HPSE2: variants seen among roughly 807,000 people sequenced by gnomAD.
The protein encoded by HPSE2 is inactive heparanase-2.
In HPSE2, 38 loss-of-function variants were observed where a neutral mutation model predicts 60.5. That is an observed-to-expected ratio of 0.63 (90% CI 0.48 to 0.82). HPSE2 has a LOEUF of 0.82. Among genes scored for constraint, HPSE2 ranks in the 40% least tolerant of loss-of-function variants. The pLI, the probability that HPSE2 is intolerant of heterozygous loss-of-function variation, is 0.00. For synonymous variants in HPSE2, 295 were observed against 293.2 expected (o/e 1.01, Z -0.06); for missense variants, 713 against 740.4 (o/e 0.96, Z 0.43).
chr10:99,164,263 A>G (rs1275738389), intron 2 of HPSE2, among the ~76,000 whole-genome samples: 1 of 119,656 alleles, frequency 8.4e-6, no homozygotes, highest in East Asian at 3.1e-4. Context: ...ATATATATAT[A>G]TATATATATA....
At chr10:99,213,738 C>T (rs1849026931) in intron 2 of HPSE2, among the ~76,000 whole-genome samples, 1 of 152,120 alleles carries the variant, frequency 6.6e-6, no homozygotes, top group Admixed American at 6.6e-5. Flanking sequence ...GATGTGAAAT[C>T]CTGGCTCTGT....
intron 3 of HPSE2, among the ~76,000 whole-genome samples, chr10:98,870,544 T>A (rs145859252): frequency 2.7e-3 from 405 of 152,246 alleles, no homozygotes; most frequent in African/African-American, 9.1e-3. Context: ...GCCTCAGCAA[T>A]AGAAGTTGAA....
intron 11 of HPSE2, among the ~76,000 whole-genome samples, chr10:98,460,273 T>A (rs1048492208): frequency 1.3e-5 from 2 of 152,242 alleles, no homozygotes; most frequent in Non-Finnish European, 2.9e-5. Context: ...ACCTTGCTTG[T>A]CTAAGGTTAT....
intron 2 of HPSE2, among the ~76,000 whole-genome samples, chr10:99,205,524 G>A (rs1437113498): frequency 6.6e-6 from 1 of 152,132 alleles, no homozygotes; most frequent in Admixed American, 6.5e-5. Flanking sequence ...AGAGGTTGCA[G>A]TGAGTCAAGA....
chr10:98,736,936 T>A (rs1408476453), intron 4 of HPSE2, among the ~76,000 whole-genome samples: 2 of 152,200 alleles, frequency 1.3e-5, no homozygotes, highest in African/African-American at 4.8e-5. Flanking sequence ...CTAAATACCA[T>A]GAGAGTATGT....
intron 3 of HPSE2, among the ~76,000 whole-genome samples, chr10:98,832,139 T>G (rs184804206): frequency 7.9e-5 from 12 of 152,260 alleles, no homozygotes; most frequent in Admixed American, 6.5e-5. Flanking sequence ...GCTAAAGAGG[T>G]TGGCTGTCCG....
intron 3 of HPSE2, among the ~76,000 whole-genome samples, chr10:99,024,792 C>T (rs906614469): frequency 1.3e-5 from 2 of 152,088 alleles, no homozygotes; most frequent in African/African-American, 4.8e-5. Flanking sequence ...TAAACATTTA[C>T]CCTAGAATAA....
At chr10:99,313,629 C>T in the HPSE2 span, among the ~76,000 whole-genome samples, 1 of 100,028 alleles carries the variant, frequency 1.0e-5, no homozygotes, top group Admixed American at 1.6e-4. Flanking sequence ...GAGACGGAGT[C>T]TCACTCTGTC....
intron 3 of HPSE2, among the ~76,000 whole-genome samples, chr10:98,890,459 T>C (rs953412578): frequency 2.0e-5 from 3 of 152,280 alleles, no homozygotes; most frequent in Admixed American, 6.5e-5. Flanking sequence ...ATGATCCAAA[T>C]TGCCTGTACA....
At chr10:98,960,505 T>C (rs982780985) in intron 3 of HPSE2, among the ~76,000 whole-genome samples, 4 of 152,056 alleles carry the variant, frequency 2.6e-5, no homozygotes, top group Admixed American at 2.0e-4. Flanking sequence ...TAAAAAATTA[T>C]GAAAAGGGGC....
At chr10:98,548,880 G>C (rs998671611) in intron 9 of HPSE2, among the ~76,000 whole-genome samples, 30 of 152,244 alleles carry the variant, frequency 2.0e-4, no homozygotes, top group African/African-American at 7.2e-4. Flanking sequence ...AAGAGGATCA[G>C]TCTTTCAATT....
intron 4 of HPSE2, among the ~76,000 whole-genome samples, chr10:98,726,653 T>C (rs1271196287): frequency 1.4e-5 from 2 of 147,750 alleles, no homozygotes; most frequent in African/African-American, 2.5e-5. Flanking sequence ...ATAATAATAA[T>C]AATAATAATA....
At chr10:99,052,270 C>A (rs1269851243) in intron 3 of HPSE2, among the ~76,000 whole-genome samples, 1 of 149,234 alleles carries the variant, frequency 6.7e-6, no homozygotes, top group Non-Finnish European at 1.5e-5. Context: ...ATGAAAAGTA[C>A]AACATGTGAA....
intron 9 of HPSE2, among the ~76,000 whole-genome samples, chr10:98,522,633 C>T (rs937759675): frequency 3.3e-5 from 5 of 152,116 alleles, no homozygotes; most frequent in African/African-American, 9.7e-5. Context: ...CACCACAATG[C>T]CCGGCTAATT....
At chr10:98,903,097 A>T (rs1953711382) in intron 3 of HPSE2, among the ~76,000 whole-genome samples, 1 of 152,188 alleles carries the variant, frequency 6.6e-6, no homozygotes, top group Non-Finnish European at 1.5e-5. Context: ...CAGCCATAAA[A>T]AGCAAGTACT....
At chr10:98,870,945 T>TAAAA (rs11423592) in intron 3 of HPSE2, among the ~76,000 whole-genome samples, 2 of 142,170 alleles carry the variant, frequency 1.4e-5, no homozygotes, top group African/African-American at 5.2e-5. Context: ...TTTAAATTAT[T>TAAAA]AAAAAAAAAA....
At chr10:98,936,928 G>C (rs1452707796) in intron 3 of HPSE2, among the ~76,000 whole-genome samples, 1 of 111,544 alleles carries the variant, frequency 9.0e-6, no homozygotes, top group African/African-American at 4.3e-5. Flanking sequence ...GCAGTGAGCT[G>C]AGACAGCACT....
intron 10 of HPSE2, among the ~76,000 whole-genome samples, chr10:98,488,162 G>A (rs1329038240): frequency 6.6e-6 from 1 of 152,228 alleles, no homozygotes; most frequent in African/African-American, 2.4e-5. Context: ...AGCTGGTGGT[G>A]TAGACAGACA....
chr10:98,764,580 G>A (rs1477263501), intron 3 of HPSE2, among the ~76,000 whole-genome samples: 3 of 152,154 alleles, frequency 2.0e-5, no homozygotes, highest in East Asian at 1.9e-4. Context: ...TAAGCCAGGC[G>A]TGGTGGCTCA....
Sources: gnomAD v4.1 joint callset for allele counts (sites outside exome capture counted in the v4.1 genomes callset) on GRCh38, gnomAD v4.1.1 for gene constraint, MANE v1.5 for transcripts, NCBI Gene and HGNC (gene_info 2026-07-23, HGNC 2026-07-21) for gene names.